The following THSD7B variants were observed in gnomAD, a reference collection of about 807,000 sequenced individuals.
The protein encoded by THSD7B is thrombospondin type-1 domain-containing protein 7B.
A neutral mutation model predicts 213.6 loss-of-function variants in THSD7B; 138 were observed. The observed-to-expected ratio is 0.65, with a 90% CI of 0.56 to 0.74. The LOEUF is 0.74. Among genes scored for constraint, THSD7B ranks in the 30% least tolerant of loss-of-function variants. THSD7B has a pLI of 0.00. For missense variants in THSD7B, 1,931 were observed against 1,991.5 expected (o/e 0.97, Z 0.58); for synonymous variants, 742 against 687.0 (o/e 1.08, Z -1.25).
At chr2:137,069,756 C>G (rs1687445902) in intron 3 of THSD7B, among the ~76,000 whole-genome samples, 1 of 151,554 alleles carries the variant, frequency 6.6e-6, no homozygotes, top group African/African-American at 2.4e-5. Flanking sequence ...AAATAAGTCC[C>G]CAAACAACAC....
chr2:137,392,823 T>TTTGTCTTTAGGTGAAA (rs1416878391), intron 12 of THSD7B, among the ~76,000 whole-genome samples: 1 of 152,114 alleles, frequency 6.6e-6, no homozygotes, highest in Non-Finnish European at 1.5e-5. Context: ...TCCTGTCATA[T>TTTGTCTTTAGGTGAAA]TTGTCTTTAG....
chr2:137,442,054 A>G, intron 14 of THSD7B, among the ~76,000 whole-genome samples: 1 of 152,250 alleles, frequency 6.6e-6, no homozygotes, highest in Non-Finnish European at 1.5e-5. Flanking sequence ...GAAATTAGAA[A>G]GGAGAAATAT....
At chr2:137,128,655 G>T (rs13388902) in intron 5 of THSD7B, among the ~76,000 whole-genome samples, 2,996 of 152,222 alleles carry the variant, frequency 0.02, 105 homozygotes, top group African/African-American at 0.067. Context: ...TCAGTTGCAG[G>T]CCTAGGGCCC....
chr2:137,435,803 A>G (rs545043672), intron 14 of THSD7B, among the ~76,000 whole-genome samples: 1 of 152,300 alleles, frequency 6.6e-6, no homozygotes, highest in South Asian at 2.1e-4. Context: ...AATGCACAGT[A>G]GCTCCTGGTT....
At chr2:137,043,122 T>C (rs1485329549) in intron 2 of THSD7B, among the ~76,000 whole-genome samples, 3 of 152,238 alleles carry the variant, frequency 2.0e-5, no homozygotes, top group African/African-American at 7.2e-5. Flanking sequence ...TTAATTATTA[T>C]ACATGGTGGT....
intron 7 of THSD7B, among the ~76,000 whole-genome samples, chr2:137,225,277 A>G (rs879622765): frequency 6.6e-6 from 1 of 152,174 alleles, no homozygotes; most frequent in Non-Finnish European, 1.5e-5. Flanking sequence ...TTGGAAAAGC[A>G]TTGTTCAATT....
At chr2:137,270,974 CAG>C (rs1163010110) in intron 10 of THSD7B, among the ~76,000 whole-genome samples, 3 of 152,044 alleles carry the variant, frequency 2.0e-5, no homozygotes, top group African/African-American at 7.2e-5. Context: ...AAAAGGAAGA[CAG>C]AGAGTAAGGA....
intron 15 of THSD7B, among the ~76,000 whole-genome samples, chr2:137,545,164 G>A (rs765809748): frequency 1.3e-5 from 2 of 151,784 alleles, no homozygotes; most frequent in Non-Finnish European, 2.9e-5. Context: ...TTTACTCTGA[G>A]CTCCAAAATT....
chr2:137,308,902 C>T (rs1253301657), intron 12 of THSD7B, among the ~76,000 whole-genome samples: 3 of 151,944 alleles, frequency 2.0e-5, no homozygotes, highest in African/African-American at 7.2e-5. Flanking sequence ...CATATGAATG[C>T]TTCATTTTGT....
intron 2 of THSD7B, among the ~76,000 whole-genome samples, chr2:136,923,425 C>A (rs1304833928): frequency 2.0e-5 from 3 of 152,136 alleles, no homozygotes; most frequent in Non-Finnish European, 4.4e-5. Flanking sequence ...GTGCAGATAC[C>A]TTTTCAAGAT....
chr2:137,389,219 A>G (rs34142742), intron 12 of THSD7B, among the ~76,000 whole-genome samples: 1 of 62,204 alleles, frequency 1.6e-5, no homozygotes, highest in South Asian at 6.6e-4. Context: ...TATATATATG[A>G]CAAAATAATA....
intron 2 of THSD7B, among the ~76,000 whole-genome samples, chr2:136,967,099 G>A (rs376925112): frequency 2.6e-5 from 4 of 152,254 alleles, no homozygotes; most frequent in African/African-American, 4.8e-5. Context: ...ACCGTGCTCA[G>A]CATGGTATCC....
intron 12 of THSD7B, among the ~76,000 whole-genome samples, chr2:137,399,053 C>T (rs920209156): frequency 1.8e-4 from 28 of 152,130 alleles, no homozygotes; most frequent in Admixed American, 6.5e-4. Context: ...CACTGACCTG[C>T]GCCCACTGTC....
At chr2:137,675,209 A>G (rs572880429) in intron 27 of THSD7B, among the ~76,000 whole-genome samples, 10 of 151,980 alleles carry the variant, frequency 6.6e-5, no homozygotes, top group Non-Finnish European at 1.0e-4. Context: ...GGAAGAGTGC[A>G]GAGTTGCCTT....
At chr2:137,475,137 G>A (rs958925611) in intron 15 of THSD7B, among the ~76,000 whole-genome samples, 19 of 152,104 alleles carry the variant, frequency 1.2e-4, no homozygotes, top group African/African-American at 4.3e-4. Flanking sequence ...TATGTACTTA[G>A]ATATACATTC....
intron 15 of THSD7B, among the ~76,000 whole-genome samples, chr2:137,469,763 T>C (rs1688057897): frequency 6.6e-6 from 1 of 152,222 alleles, no homozygotes; most frequent in Non-Finnish European, 1.5e-5. Flanking sequence ...CGTTCTGCTC[T>C]ATTTTACTTT....
At chr2:137,556,743 A>T (rs747450826) in intron 15 of THSD7B, among the ~76,000 whole-genome samples, 17 of 152,224 alleles carry the variant, frequency 1.1e-4, no homozygotes, top group Non-Finnish European at 1.9e-4. Context: ...AAAGACACAG[A>T]CTGGCAAATT....
At chr2:137,294,669 ATTG>A (rs1683414940) in intron 12 of THSD7B, among the ~76,000 whole-genome samples, 1 of 150,060 alleles carries the variant, frequency 6.7e-6, no homozygotes, top group Non-Finnish European at 1.5e-5. Flanking sequence ...ATCCTATTTT[ATTG>A]TTAGTTGTTA....
chr2:137,663,557 C>T lies in THSD7B; in HGVS notation c.4633C>T (p.Leu1545Phe). Residue 1545 changes from leucine (L) to phenylalanine (F), a missense_variant, in exon 26 of 28, where the codon CTT (leucine) becomes TTT (phenylalanine). By Grantham distance (22) the Leu-to-Phe change is conservative (BLOSUM62 0). Coordinates refer to ENST00000409968, the MANE Select transcript of THSD7B (RefSeq NM_001316349.2). ...KIHDIFKGWS[L>F]QPLDPDGRVK... ...ACATGATATTTTTAAAGGATGGTCT[C>T]TTCAACCACTTGATCCAGGTGAGTT... 1 of 1,606,938 alleles carries T rather than the reference C, an allele frequency of 6.2e-7. No homozygotes were observed. Among genetic ancestry groups the T allele is most frequent in the South Asian group, 1.1e-5 (1 of 89,324 alleles).
Sources: allele counts gnomAD v4.1 joint callset (sites outside exome capture counted in the v4.1 genomes callset), GRCh38; gene constraint gnomAD v4.1.1; transcripts MANE v1.5; gene names NCBI Gene and HGNC (gene_info 2026-07-23, HGNC 2026-07-21).